Variants in DYNC2LI1 observed in about 807,000 individuals in gnomAD.
DYNC2LI1 encodes cytoplasmic dynein 2 light intermediate chain 1.
In DYNC2LI1, 45 loss-of-function variants were observed where a neutral mutation model predicts 51.9. That is an observed-to-expected ratio of 0.87 (90% CI 0.68 to 1.11). The LOEUF is 1.11. Ranked by LOEUF, DYNC2LI1 falls within the 50% of genes most tolerant of loss-of-function variation. The pLI, the probability that DYNC2LI1 is intolerant of heterozygous loss-of-function variation, is 0.00. For synonymous variants in DYNC2LI1, 130 were observed against 137.8 expected (o/e 0.94, Z 0.40); for missense variants, 490 against 417.4 (o/e 1.17, Z -1.51).
In DYNC2LI1 at chr2:43,798,043, C is replaced by T. The variant is rs181382556; in HGVS notation, c.654+1248C>T. On this transcript the variant is annotated intron_variant, in intron 8 of 12. Coordinates refer to ENST00000260605, the MANE Select transcript of DYNC2LI1 (RefSeq NM_016008.4). ...TTGGGAGGCTGAGGTGGGAGGATCA[C>T]ATGAGCTCAGGAGGTCAAGGCTGCA... Among the ~76,000 whole-genome samples, 932 of 151,948 alleles carry T rather than the reference C, an allele frequency of 6.1e-3. 16 individuals are homozygous for T. Among genetic ancestry groups the T allele is most frequent in the African/African-American group, 0.021 (881 of 41,414 alleles).
chr2:43,802,340 G>A (rs530209729), intron 10 of DYNC2LI1, among the ~76,000 whole-genome samples: 20 of 149,144 alleles, frequency 1.3e-4, no homozygotes, highest in African/African-American at 4.9e-4. Flanking sequence ...TGCAGGTGGC[G>A]TAGTTTGCTT....
In DYNC2LI1 at chr2:43,800,970, G is replaced by A. The variant is rs79621281; in HGVS notation, c.731+53G>A. On this transcript the variant is annotated intron_variant, in intron 9 of 12. Transcript: ENST00000260605. ...TTATTGAGTGATTGATTTAGCCAAT[G>A]TTGTCTCATCTGATTATTGTTCTAC... is the stretch of plus-strand genomic sequence containing the variant. 9,438 of 1,243,256 alleles carry A rather than the reference G, an allele frequency of 7.6e-3. 182 individuals carry two copies. Among genetic ancestry groups the A allele is most frequent in the African/African-American group, 0.062 (4,128 of 66,120 alleles). 77.0% of individuals were successfully genotyped at this position (1,243,256 alleles called of 1,614,324 possible).
At chr2:43,810,429 G>A (rs1666441820), downstream of DYNC2LI1, 2 of 985,330 alleles carry the variant, frequency 2.0e-6, no homozygotes. Context: ...AACATCATGT[G>A]TTGCGGATAA....
intron 12 of DYNC2LI1, among the ~76,000 whole-genome samples, chr2:43,806,836 A>G (rs561272091): frequency 6.6e-6 from 1 of 152,126 alleles, no homozygotes; most frequent in African/African-American, 2.4e-5. Flanking sequence ...ATCACCCTTC[A>G]TTCATCTCTT....
chr2:43,781,948 A>G (rs1057145857), intron 2 of DYNC2LI1, among the ~76,000 whole-genome samples: 2 of 151,922 alleles, frequency 1.3e-5, no homozygotes, highest in Non-Finnish European at 2.9e-5. Context: ...CAAATCCTTC[A>G]GCTAGAAATA....
intron 2 of DYNC2LI1, among the ~76,000 whole-genome samples, chr2:43,779,005 C>G (rs1461791978): frequency 6.6e-6 from 1 of 152,056 alleles, no homozygotes; most frequent in Non-Finnish European, 1.5e-5. Context: ...CTTGTAATCC[C>G]AGGACTTTGG....
chr2:43,782,456 AATT>A (rs1027733097), intron 2 of DYNC2LI1, among the ~76,000 whole-genome samples: 10 of 151,764 alleles, frequency 6.6e-5, no homozygotes, highest in Admixed American at 6.6e-4. Flanking sequence ...GAGTTTTCCA[AATT>A]ATTTTCTTTA....
chr2:43,788,667 T>C (rs773067149), intron 4 of DYNC2LI1, among the ~76,000 whole-genome samples: 6 of 152,216 alleles, frequency 3.9e-5, no homozygotes, highest in Non-Finnish European at 8.8e-5. Context: ...TTTCCCAGGC[T>C]GGAGTACAGT....
chr2:43,776,106 T>C (rs965397559), intron 1 of DYNC2LI1, among the ~76,000 whole-genome samples: 9 of 152,050 alleles, frequency 5.9e-5, no homozygotes, highest in African/African-American at 2.2e-4. Context: ...TACATATGTA[T>C]ACATGTGCCA....
At chr2:43,827,218 A>G in the DYNC2LI1 span, among the ~76,000 whole-genome samples, 1 of 151,724 alleles carries the variant, frequency 6.6e-6, no homozygotes, top group Non-Finnish European at 1.5e-5. Context: ...CCAGCTACTC[A>G]GGAGGCTGAG....
At chr2:43,780,232 C>A (rs1264079372) in intron 2 of DYNC2LI1, among the ~76,000 whole-genome samples, 1 of 152,144 alleles carries the variant, frequency 6.6e-6, no homozygotes, top group African/African-American at 2.4e-5. Context: ...TCCAGTGAAA[C>A]TGGAAAGCTT....
At chr2:43,804,013 G>T (rs905486573) in intron 10 of DYNC2LI1, among the ~76,000 whole-genome samples, 3 of 152,074 alleles carry the variant, frequency 2.0e-5, no homozygotes, top group African/African-American at 7.2e-5. Context: ...TGTATATAGT[G>T]TAAAAAAACT....
the DYNC2LI1 span, among the ~76,000 whole-genome samples, chr2:43,819,731 T>C: frequency 6.6e-6 from 1 of 152,230 alleles, no homozygotes; most frequent in Non-Finnish European, 1.5e-5. Context: ...AAAGACATTT[T>C]ATTGAACAAA....
chr2:43,811,542 G>C (rs559713279), downstream of DYNC2LI1, among the ~76,000 whole-genome samples: 6 of 152,024 alleles, frequency 3.9e-5, no homozygotes, highest in East Asian at 1.2e-3. Context: ...TTTCAGGTTT[G>C]TACATGGAAT....
chr2:43,801,807 G>T, intron 10 of DYNC2LI1, 98 bp downstream of exon 10: 3 of 827,764 alleles, frequency 3.6e-6, no homozygotes, highest in South Asian at 1.7e-5. Context: ...TCCTATTTCT[G>T]GTTTCATTAT....
At chr2:43,811,574 G>A (rs547830337), downstream of DYNC2LI1, among the ~76,000 whole-genome samples, 2 of 152,150 alleles carry the variant, frequency 1.3e-5, no homozygotes, top group South Asian at 4.2e-4. Flanking sequence ...CAATCAGAAA[G>A]AGAATCAGTA....
chr2:43,775,051 C>T (rs1672948644), intron 1 of DYNC2LI1, among the ~76,000 whole-genome samples: 1 of 152,122 alleles, frequency 6.6e-6, no homozygotes, highest in Admixed American at 6.5e-5. Context: ...AGTATAATTA[C>T]AAGCCCTCAA....
downstream of DYNC2LI1, among the ~76,000 whole-genome samples, chr2:43,813,708 C>CCTTT (rs1558715512): frequency 2.8e-5 from 1 of 35,374 alleles, no homozygotes; most frequent in Admixed American, 3.7e-4. Context: ...TTTTTTTTTT[C>CCTTT]GTTTTTTTTT....
chr2:43,826,317 C>T, the DYNC2LI1 span: 1 of 1,610,018 alleles, frequency 6.2e-7, no homozygotes, highest in African/African-American at 1.3e-5. Context: ...CAAATCTTGC[C>T]CCTGCCCCTG....
Sources: gnomAD v4.1 joint callset for allele counts (sites outside exome capture counted in the v4.1 genomes callset) on GRCh38, gnomAD v4.1.1 for gene constraint, MANE v1.5 for transcripts, NCBI Gene and HGNC (gene_info 2026-07-23, HGNC 2026-07-21) for gene names.